Variants in HSD17B12 observed in about 807,000 individuals in gnomAD.
The protein encoded by HSD17B12 is hydroxysteroid 17-beta dehydrogenase 12.
Under a neutral mutation model 39.3 loss-of-function variants are expected in HSD17B12, and 32 were observed. That is an observed-to-expected ratio of 0.81 (90% CI 0.61 to 1.09). The LOEUF is 1.09. HSD17B12 is among the 50% of genes least tolerant of loss of function. The probability of loss-of-function intolerance (pLI) is 0.00; values close to 1 mark genes in which losing one functional copy is unlikely to be tolerated. For synonymous variants in HSD17B12, 150 were observed against 146.7 expected (o/e 1.02, Z -0.16); for missense variants, 342 against 382.9 (o/e 0.89, Z 0.89).
the HSD17B12 span, among the ~76,000 whole-genome samples, chr11:43,585,317 G>A: frequency 2.6e-5 from 4 of 152,176 alleles, no homozygotes; most frequent in South Asian, 6.2e-4. Context: ...TGGGGATTTC[G>A]GTTCAGAGCT....
chr11:43,617,914 A>G, the HSD17B12 span, among the ~76,000 whole-genome samples: 2 of 152,198 alleles, frequency 1.3e-5, no homozygotes, highest in East Asian at 1.9e-4. Context: ...GGACTGAGCC[A>G]TGTATTATGA....
chr11:43,802,753 T>A (rs1434037920), intron 4 of HSD17B12, among the ~76,000 whole-genome samples: 1 of 152,236 alleles, frequency 6.6e-6, no homozygotes, highest in Non-Finnish European at 1.5e-5. Context: ...CTATAATGTG[T>A]ATAGGACAGC....
At chr11:43,722,268 T>A (rs1437310917) in intron 1 of HSD17B12, among the ~76,000 whole-genome samples, 6 of 152,244 alleles carry the variant, frequency 3.9e-5, no homozygotes, top group South Asian at 4.1e-4. Context: ...ATTGTTTTTA[T>A]CTTACAGCTC....
At chr11:43,659,910 T>A in the HSD17B12 span, among the ~76,000 whole-genome samples, 2 of 152,182 alleles carry the variant, frequency 1.3e-5, no homozygotes, top group Non-Finnish European at 2.9e-5. Context: ...CAAAGTCAAT[T>A]TTTTTACAAA....
At chr11:43,661,535 G>A in the HSD17B12 span, among the ~76,000 whole-genome samples, 9 of 152,220 alleles carry the variant, frequency 5.9e-5, no homozygotes, top group African/African-American at 1.4e-4. Flanking sequence ...GATGTGAGCC[G>A]GGCATAGTGG....
At chr11:43,716,728 T>TTATATATATGATACATATA (rs1448993126) in intron 1 of HSD17B12, among the ~76,000 whole-genome samples, 1 of 143,814 alleles carries the variant, frequency 7.0e-6, no homozygotes, top group Non-Finnish European at 1.5e-5. Flanking sequence ...GTATTATATA[T>TTATATATATGATACATATA]TATATATATT....
At chr11:43,730,046 G>GT (rs1055261702) in intron 1 of HSD17B12, among the ~76,000 whole-genome samples, 38 of 146,502 alleles carry the variant, frequency 2.6e-4, no homozygotes, top group Admixed American at 4.8e-4. Flanking sequence ...ATGTGTGTGT[G>GT]TTTTTTTTTT....
the HSD17B12 span, among the ~76,000 whole-genome samples, chr11:43,655,062 G>A: frequency 3.3e-5 from 5 of 152,080 alleles, no homozygotes; most frequent in African/African-American, 1.2e-4. Flanking sequence ...CCATTTGTTT[G>A]TATCCTCTTT....
the HSD17B12 span, among the ~76,000 whole-genome samples, chr11:43,663,710 G>A: frequency 1.3e-5 from 2 of 152,050 alleles, no homozygotes; most frequent in South Asian, 4.2e-4. Flanking sequence ...GGCATAGTAA[G>A]GCCAACACCT....
the HSD17B12 span, among the ~76,000 whole-genome samples, chr11:43,650,808 A>G: frequency 6.6e-6 from 1 of 152,260 alleles, no homozygotes; most frequent in African/African-American, 2.4e-5. Flanking sequence ...CCTGTGGCCA[A>G]CTGCAGTTTG....
At chr11:43,784,490 C>A (rs1039411449) in intron 3 of HSD17B12, among the ~76,000 whole-genome samples, 1 of 151,774 alleles carries the variant, frequency 6.6e-6, no homozygotes, top group African/African-American at 2.4e-5. Flanking sequence ...ATGGTGGTCT[C>A]CTTCCTTATT....
chr11:43,755,080 T>C (rs1054361970), intron 3 of HSD17B12: 3 of 402,974 alleles, frequency 7.4e-6, no homozygotes, highest in African/African-American at 2.1e-5. Flanking sequence ...TGTTTACTTA[T>C]TAAGAGTCAA....
chr11:43,717,431 A>G (rs1178181639), intron 1 of HSD17B12, among the ~76,000 whole-genome samples: 1 of 152,230 alleles, frequency 6.6e-6, no homozygotes, highest in Non-Finnish European at 1.5e-5. Context: ...CCTTTTCTCC[A>G]GTGTCTGAGA....
chr11:43,803,782 TA>T (rs201191033), intron 4 of HSD17B12, among the ~76,000 whole-genome samples: 1 of 151,492 alleles, frequency 6.6e-6, no homozygotes, highest in Non-Finnish European at 1.5e-5. Flanking sequence ...CTCCGTTACT[TA>T]AAAAAAAACT....
chr11:43,674,146 C>T, the HSD17B12 span, among the ~76,000 whole-genome samples: 36 of 152,282 alleles, frequency 2.4e-4, no homozygotes, highest in African/African-American at 7.7e-4. Flanking sequence ...AGAGTTTTAT[C>T]GTATTGCCTC....
the HSD17B12 span, among the ~76,000 whole-genome samples, chr11:43,623,273 C>A: frequency 1.3e-5 from 2 of 152,030 alleles, no homozygotes; most frequent in East Asian, 3.9e-4. Flanking sequence ...GCTTTAGTAA[C>A]TGTTGGAGAA....
intron 5 of HSD17B12, 23 bp downstream of exon 5, chr11:43,815,524 TG>T: frequency 6.9e-7 from 1 of 1,446,962 alleles, no homozygotes; most frequent in Non-Finnish European, 9.6e-7. Flanking sequence ...TTGTGTATTA[TG>T]GTAACAAAAA....
chr11:43,754,314 T>C (rs1292557161), intron 3 of HSD17B12, among the ~76,000 whole-genome samples, 193 bp downstream of exon 3: 1 of 152,206 alleles, frequency 6.6e-6, no homozygotes, highest in East Asian at 1.9e-4. Context: ...GGCTCACGCC[T>C]GTAATCCCAG....
intron 3 of HSD17B12, among the ~76,000 whole-genome samples, chr11:43,776,170 G>T (rs1443876325): frequency 1.3e-5 from 2 of 152,050 alleles, no homozygotes; most frequent in Non-Finnish European, 2.9e-5. Context: ...AGATCCCTGA[G>T]GAATCGCCAC....
Sources: allele counts gnomAD v4.1 joint callset (sites outside exome capture counted in the v4.1 genomes callset), GRCh38; gene constraint gnomAD v4.1.1; transcripts MANE v1.5; gene names NCBI Gene and HGNC (gene_info 2026-07-23, HGNC 2026-07-21).